SNTB2: variants seen among roughly 807,000 people sequenced by gnomAD.
SNTB2 encodes syntrophin beta 2.
A neutral mutation model predicts 46.2 loss-of-function variants in SNTB2; 34 were observed. The observed-to-expected ratio is 0.74, with a 90% CI of 0.56 to 0.98. SNTB2 has a LOEUF of 0.98. Among genes scored for constraint, SNTB2 ranks in the 50% least tolerant of loss-of-function variants. The probability of loss-of-function intolerance (pLI) is 0.00; values close to 1 mark genes in which losing one functional copy is unlikely to be tolerated. For missense variants in SNTB2, 603 were observed against 731.4 expected (o/e 0.82, Z 2.02); for synonymous variants, 290 against 312.6 (o/e 0.93, Z 0.76).
At chr16:69,277,660 G>C (rs1964995595) in intron 4 of SNTB2, among the ~76,000 whole-genome samples, 1 of 152,172 alleles carries the variant, frequency 6.6e-6, no homozygotes, top group East Asian at 1.9e-4. Context: ...ATTTATGTGA[G>C]GCTGTAACTG....
At chr16:69,298,804 G>A (rs1965251696) in intron 5 of SNTB2, among the ~76,000 whole-genome samples, 1 of 152,006 alleles carries the variant, frequency 6.6e-6, no homozygotes, top group Admixed American at 6.6e-5. Context: ...TTACAGGTGT[G>A]AGCCACCGTA....
In SNTB2 at chr16:69,302,580, C is replaced by T. The variant is rs1427055957; in HGVS notation, c.*1656C>T. The T allele has an allele frequency of 6.6e-6, 1 of 152,194 alleles. No individual in the cohort carries two copies. Among genetic ancestry groups the T allele is most frequent in the Non-Finnish European group, 1.5e-5 (1 of 68,054 alleles). 9.4% of individuals were successfully genotyped at this position (152,194 alleles called of 1,614,324 possible). A position where few individuals can be genotyped will look rare whatever the true frequency, so the allele number is the denominator to read the frequency against. ...ATGAGCTATTTGGTTTCAGTGCGGC[C>T]TGACCGATGGGGAGGACCCATGAGC... On this transcript the variant is annotated 3_prime_UTR_variant, in exon 7 of 7. Transcript: ENST00000336278.
At chr16:69,220,817 C>A (rs1964396580) in intron 1 of SNTB2, among the ~76,000 whole-genome samples, 1 of 152,164 alleles carries the variant, frequency 6.6e-6, no homozygotes, top group Non-Finnish European at 1.5e-5. Flanking sequence ...CAGGAATAAA[C>A]CACTGTGCCT....
At chr16:69,237,344 T>C (rs1470495534) in intron 1 of SNTB2, among the ~76,000 whole-genome samples, 1 of 152,130 alleles carries the variant, frequency 6.6e-6, no homozygotes, top group African/African-American at 2.4e-5. Flanking sequence ...AGCATAAGGA[T>C]TGAGAAAGGG....
chr16:69,207,154 C>CTTTCTTTCT (rs771500331), intron 1 of SNTB2, among the ~76,000 whole-genome samples: 1 of 126,448 alleles, frequency 7.9e-6, no homozygotes, highest in Non-Finnish European at 1.7e-5. Context: ...TTCTTTCTTT[C>CTTTCTTTCT]TTTTTTTTTT....
chr16:69,285,832 G>C (rs925137257), intron 5 of SNTB2, among the ~76,000 whole-genome samples: 2 of 145,010 alleles, frequency 1.4e-5, no homozygotes, highest in African/African-American at 5.1e-5. Flanking sequence ...TCACTCTGTC[G>C]CCCAGGCTGG....
intron 1 of SNTB2, among the ~76,000 whole-genome samples, chr16:69,237,860 C>T (rs1258075118): frequency 6.6e-6 from 1 of 152,128 alleles, no homozygotes; most frequent in Non-Finnish European, 1.5e-5. Flanking sequence ...GCCTCGGCCT[C>T]CCAAAGTGCT....
intron 2 of SNTB2, among the ~76,000 whole-genome samples, chr16:69,253,374 G>A (rs1567407718): frequency 2.0e-5 from 3 of 151,912 alleles, no homozygotes; most frequent in Admixed American, 1.3e-4. Context: ...AACTGGCCGG[G>A]CGTGGTGCCT....
At position 69,307,253 on chromosome 16, in the gene SNTB2, T is replaced by C. The variant is rs2143226674; in HGVS notation, c.*6329T>C. On this transcript the variant is annotated 3_prime_UTR_variant, in exon 7 of 7. Transcript: ENST00000336278. ...CTTCATATTTTTACCAAAGTATATT[T>C]ACAAGTCTGTTTATCTGGATCTGGC... 6.6e-6 allele frequency: 1 copy of C among 152,344 alleles called. No individual in the cohort carries two copies. Among genetic ancestry groups the C allele is most frequent in the South Asian group, 2.1e-4 (1 of 4,828 alleles). 9.4% of individuals were successfully genotyped at this position (152,344 alleles called of 1,614,324 possible). A position where few individuals can be genotyped will look rare whatever the true frequency, so the allele number is the denominator to read the frequency against.
chr16:69,239,609 C>T (rs542425430), intron 1 of SNTB2, among the ~76,000 whole-genome samples: 7 of 152,188 alleles, frequency 4.6e-5, no homozygotes, highest in Non-Finnish European at 5.9e-5. Context: ...AGTGCAGTGG[C>T]GCAATCTCAG....
At position 69,292,412 on chromosome 16, in the gene SNTB2, TA is replaced by T. The variant is rs1965178124; in HGVS notation, c.1346-7177del. Among the ~76,000 whole-genome samples, 25 of 23,592 alleles carry T rather than the reference TA, an allele frequency of 1.1e-3. 3 individuals carry two copies. The highest frequency in any genetic ancestry group is 8.4e-3 in the South Asian group (6 of 714). 15.5% of individuals were successfully genotyped at this position (23,592 alleles called of 152,430 possible). On this transcript the variant is annotated intron_variant, in intron 5 of 6. Coordinates refer to ENST00000336278, the MANE Select transcript of SNTB2 (RefSeq NM_006750.4). ...ATATTATATATATATATATATTATA[TA>T]TATATTATATATATATATATATTAT...
At chr16:69,244,421 A>G (rs1964649492) in intron 1 of SNTB2, among the ~76,000 whole-genome samples, 2 of 152,194 alleles carry the variant, frequency 1.3e-5, no homozygotes, top group African/African-American at 4.8e-5. Flanking sequence ...GTAGCTAGAA[A>G]TCTGGACTTT....
At chr16:69,213,771 T>G (rs1007265085) in intron 1 of SNTB2, among the ~76,000 whole-genome samples, 1 of 151,472 alleles carries the variant, frequency 6.6e-6, no homozygotes, top group Non-Finnish European at 1.5e-5. Context: ...GTACTGGGAT[T>G]ACAGGTGTGA....
intron 3 of SNTB2, among the ~76,000 whole-genome samples, chr16:69,265,122 G>A (rs1192063388): frequency 1.3e-5 from 2 of 151,880 alleles, no homozygotes; most frequent in African/African-American, 4.8e-5. Context: ...GGTGGCGGGC[G>A]CCTGTACTCC....
At chr16:69,235,832 T>G (rs1964554576) in intron 1 of SNTB2, 2 of 1,289,190 alleles carry the variant, frequency 1.6e-6, no homozygotes, top group Non-Finnish European at 2.0e-6. Flanking sequence ...CCTGGAATTG[T>G]GGTGAGTTTG....
chr16:69,206,649 C>G (rs994282213), intron 1 of SNTB2, among the ~76,000 whole-genome samples: 1 of 150,756 alleles, frequency 6.6e-6, no homozygotes, highest in African/African-American at 2.4e-5. Context: ...CAAGATCACT[C>G]CATTGCACTC....
intron 1 of SNTB2, among the ~76,000 whole-genome samples, chr16:69,233,989 C>T (rs145920187): frequency 2.2e-4 from 33 of 151,880 alleles, no homozygotes; most frequent in African/African-American, 7.5e-4. Context: ...CACTGCACTC[C>T]GACCTGGACA....
chr16:69,276,230 A>G (rs1964984173), intron 4 of SNTB2, among the ~76,000 whole-genome samples: 1 of 151,320 alleles, frequency 6.6e-6, no homozygotes, highest in Admixed American at 6.6e-5. Flanking sequence ...TGGTGACTTT[A>G]GAATGTGGAA....
In SNTB2 at chr16:69,203,605, G is replaced by T. The variant is rs927846870; in HGVS notation, c.580+15859G>T. 2.0e-5 allele frequency among the ~76,000 whole-genome samples: 3 copies of T among 151,888 alleles called. No individual in the cohort carries two copies. The East Asian group carries it at 5.8e-4, about 29-fold the overall frequency. ...TCCTCCTACCTAAGCCTCCCAAAGT[G>T]CTGGGATTACAGACTGAGCCACTGT... On this transcript the variant is annotated intron_variant, in intron 1 of 6. Coordinates refer to ENST00000336278, the MANE Select transcript of SNTB2 (RefSeq NM_006750.4).
Sources: allele counts gnomAD v4.1 joint callset (sites outside exome capture counted in the v4.1 genomes callset), GRCh38; gene constraint gnomAD v4.1.1; transcripts MANE v1.5; gene names NCBI Gene and HGNC (gene_info 2026-07-23, HGNC 2026-07-21).